Variants in NRG1 observed in about 807,000 individuals in gnomAD.
NRG1 encodes the protein pro-neuregulin-1, membrane-bound isoform.
NRG1 carries 18 observed loss-of-function variants against 63.8 expected under a neutral mutation model. The observed-to-expected ratio is 0.28, with a 90% confidence interval of 0.19 to 0.42. The LOEUF is 0.42. NRG1 is among the 10% of genes least tolerant of loss of function. The pLI is 1.00. For synonymous variants in NRG1, 302 were observed against 301.3 expected, an observed-to-expected ratio of 1.00 and a Z score of -0.02; for missense variants, 762 against 814.7, an observed-to-expected ratio of 0.94 and a Z score of 0.79.
intron 3 of NRG1, among the ~76,000 whole-genome samples, chr8:32,607,001 C>T (rs1224945983): frequency 6.6e-6 from 1 of 152,104 alleles, no homozygotes; most frequent in Non-Finnish European, 1.5e-5. Context: ...GGATCTGCTC[C>T]ATCACAGAGT....
intron 1 of NRG1, among the ~76,000 whole-genome samples, chr8:32,190,602 G>T (rs1037332401): frequency 3.9e-5 from 6 of 152,084 alleles, no homozygotes; most frequent in Non-Finnish European, 8.8e-5. Flanking sequence ...AACAGCTATC[G>T]GGATGGTGTT....
chr8:32,102,050 C>G (rs1296520906), intron 1 of NRG1, among the ~76,000 whole-genome samples: 1 of 152,078 alleles, frequency 6.6e-6, no homozygotes, highest in Non-Finnish European at 1.5e-5. Flanking sequence ...GCTGCTGGAT[C>G]TAGTTGGAAT....
intron 1 of NRG1, among the ~76,000 whole-genome samples, chr8:31,760,996 T>C (rs1348338851): frequency 6.6e-6 from 1 of 152,152 alleles, no homozygotes; most frequent in Non-Finnish European, 1.5e-5. Flanking sequence ...TAAAGACACA[T>C]GCACACGTAT....
intron 1 of NRG1, among the ~76,000 whole-genome samples, chr8:31,935,598 G>A (rs1234010017): frequency 6.6e-6 from 1 of 152,180 alleles, no homozygotes; most frequent in East Asian, 1.9e-4. Flanking sequence ...CTGAACCTCA[G>A]AGAGCATGGA....
chr8:32,756,599 T>C, intron 9 of NRG1, 70 bp downstream of exon 9: 1 of 1,512,736 alleles, frequency 6.6e-7, no homozygotes, highest in Non-Finnish European at 8.8e-7. Context: ...AAGTTTATTT[T>C]CGAAAGCTCT....
chr8:31,975,275 G>A (rs1244679814), intron 1 of NRG1, among the ~76,000 whole-genome samples: 1 of 152,138 alleles, frequency 6.6e-6, no homozygotes. Context: ...GAGCAGGGGT[G>A]AAGCTCAGAT....
intron 1 of NRG1, among the ~76,000 whole-genome samples, chr8:31,923,343 GCA>G (rs975261808): frequency 4.6e-5 from 7 of 152,042 alleles, no homozygotes; most frequent in East Asian, 3.9e-4. Flanking sequence ...GAAAAAATAT[GCA>G]CACACACATA....
In NRG1 at chr8:32,118,790, AT is replaced by A. The variant is rs1585419947; in HGVS notation, c.38-477037del. 4.6e-5 allele frequency among the ~76,000 whole-genome samples: 7 copies of A among 152,212 alleles called. No homozygotes were observed. The East Asian group carries it at 1.4e-3, about 30-fold the overall frequency. The stretch of plus-strand genomic sequence containing the variant: ...ATCTTTGGGTCATCCAAGGCATCAG[AT>A]ACCTTCTGTGGTGTTGTTTCACCGT... On this transcript the variant is annotated intron_variant, in intron 1 of 10. Coordinates refer to the NRG1 transcript ENST00000519301.
chr8:32,364,031 A>C (rs1233453216), intron 1 of NRG1, among the ~76,000 whole-genome samples: 1 of 150,704 alleles, frequency 6.6e-6, no homozygotes, highest in Non-Finnish European at 1.5e-5. Flanking sequence ...TAATCCCACC[A>C]GCCAATAACA....
chr8:31,992,672 C>T lies in NRG1; in HGVS notation c.37+353241C>T, dbSNP rs370534817. Among the ~76,000 whole-genome samples, 15 of 152,058 alleles carry T rather than the reference C, an allele frequency of 9.9e-5. No individual in the cohort carries two copies. In the East Asian group the frequency reaches 2.7e-3, roughly 28 times the overall value. Reference sequence around the variant, plus strand: ...CTTATTTTAGTTCCACATTTGAAAGCACTGTTGCCACAAAATCACCTATTC... The same window carrying T: ...CTTATTTTAGTTCCACATTTGAAAGTACTGTTGCCACAAAATCACCTATTC... On this transcript the variant is annotated intron_variant, in intron 1 of 10. Coordinates refer to the NRG1 transcript ENST00000519301.
chr8:31,967,999 T>C (rs549067892), intron 1 of NRG1, among the ~76,000 whole-genome samples: 1 of 152,308 alleles, frequency 6.6e-6, no homozygotes, highest in Non-Finnish European at 1.5e-5. Flanking sequence ...TCAAGTGCTG[T>C]GGAAAAGACT....
chr8:32,693,587 G>T (rs1391740423), intron 5 of NRG1, among the ~76,000 whole-genome samples: 1 of 149,674 alleles, frequency 6.7e-6, no homozygotes, highest in Non-Finnish European at 1.5e-5. Flanking sequence ...TTCCAAAGTG[G>T]CATAAAAGGC....
intron 1 of NRG1, among the ~76,000 whole-genome samples, chr8:32,220,595 G>A (rs561975598): frequency 1.3e-5 from 2 of 152,304 alleles, no homozygotes; most frequent in South Asian, 2.1e-4. Flanking sequence ...GTTCAAAGGA[G>A]GGGAAAATAT....
rs74942016 is a variant in NRG1 at position 32,754,452 on chromosome 8, G to T, written c.772G>T (p.Val258Leu). ...CCTCCTTGTGGTCGGCATCATGTGT[G>T]TGGTGGCCTACTGCAAAACCAAGTA... Residue 258 changes from valine (V) to leucine (L), a missense_variant, in exon 8 of 12, where the codon GTG (valine) becomes TTG (leucine). Val to Leu is a conservative substitution (Grantham distance 32). Coordinates refer to ENST00000356819, the Ensembl canonical transcript of NRG1. 64,527 of 1,613,700 alleles carry T rather than the reference G, an allele frequency of 0.04. 1,518 individuals carry two copies. Among genetic ancestry groups the T allele is most frequent in the Non-Finnish European group, 0.048 (56,082 of 1,179,770 alleles).
intron 1 of NRG1, among the ~76,000 whole-genome samples, chr8:31,659,807 G>T (rs1375530524): frequency 1.3e-5 from 2 of 152,156 alleles, no homozygotes; most frequent in African/African-American, 4.8e-5. Context: ...GCAGAACTGG[G>T]CAAGATGAAA....
intron 1 of NRG1, among the ~76,000 whole-genome samples, chr8:32,250,108 G>T (rs898562683): frequency 3.9e-5 from 6 of 152,058 alleles, no homozygotes; most frequent in African/African-American, 1.2e-4. Context: ...AGGTAAGATT[G>T]AATATTTTTC....
At chr8:31,916,153 G>T (rs1242784475) in intron 1 of NRG1, among the ~76,000 whole-genome samples, 1 of 152,058 alleles carries the variant, frequency 6.6e-6, no homozygotes, top group African/African-American at 2.4e-5. Context: ...CTAAAAGTAT[G>T]TTCCCATGGA....
chr8:32,511,890 G>A (rs1474681123), intron 1 of NRG1, among the ~76,000 whole-genome samples: 3 of 152,182 alleles, frequency 2.0e-5, no homozygotes, highest in Non-Finnish European at 4.4e-5. Context: ...TGTGATGCAC[G>A]GCCACTGGGA....
chr8:31,667,508 G>T (rs1265093824), intron 1 of NRG1, among the ~76,000 whole-genome samples: 1 of 152,148 alleles, frequency 6.6e-6, no homozygotes, highest in Non-Finnish European at 1.5e-5. Context: ...TGTAATTATG[G>T]GCAAGTACAT....
Sources: gnomAD v4.1 joint callset for allele counts (sites outside exome capture counted in the v4.1 genomes callset) on GRCh38, gnomAD v4.1.1 for gene constraint, MANE v1.5 for transcripts, NCBI Gene and HGNC (gene_info 2026-07-23, HGNC 2026-07-21) for gene names.